Variants in PCDHGA2 observed in about 807,000 individuals in gnomAD.
The protein encoded by PCDHGA2 is protocadherin gamma subfamily A, 2, also known as protocadherin gamma-A2.
A neutral mutation model predicts 59.2 loss-of-function variants in PCDHGA2; 40 were observed. The observed-to-expected ratio is 0.68, with a 90% CI of 0.52 to 0.88. The LOEUF (loss-of-function observed/expected upper bound fraction) is 0.88, where lower values mean the gene tolerates loss of function less well. Among genes scored for constraint, PCDHGA2 ranks in the 40% least tolerant of loss-of-function variants. The pLI, the probability that PCDHGA2 is intolerant of heterozygous loss-of-function variation, is 0.00. For missense variants in PCDHGA2, 1,226 were observed against 1,204.0 expected (o/e 1.02, Z -0.27); for synonymous variants, 560 against 526.0 (o/e 1.06, Z -0.89).
At chr5:141,475,491 C>T (rs1321482409) in intron 1 of PCDHGA2, among the ~76,000 whole-genome samples, 2 of 152,202 alleles carry the variant, frequency 1.3e-5, no homozygotes, top group African/African-American at 4.8e-5. Flanking sequence ...AGAGATAAAA[C>T]TGAAATTATT....
chr5:141,357,488 C>G (rs1230103133), intron 1 of PCDHGA2: 2 of 1,614,218 alleles, frequency 1.2e-6, no homozygotes, highest in Admixed American at 1.7e-5. Context: ...ACCGCGGACT[C>G]GCGGAAGAGT....
intron 1 of PCDHGA2, chr5:141,366,201 G>A (rs567413702): frequency 2.4e-5 from 39 of 1,613,736 alleles, no homozygotes; most frequent in Non-Finnish European, 3.2e-5. Flanking sequence ...CTGCACACGG[G>A]CGAGGTGCGC....
chr5:141,351,191 T>C, intron 1 of PCDHGA2: 1 of 1,614,014 alleles, frequency 6.2e-7, no homozygotes, highest in Non-Finnish European at 8.5e-7. Context: ...GACAAGTAGA[T>C]ATGTGTTGAG....
chr5:141,386,620 C>T (rs73279071), intron 1 of PCDHGA2, among the ~76,000 whole-genome samples: 2 of 151,558 alleles, frequency 1.3e-5, no homozygotes, highest in Non-Finnish European at 2.9e-5. Context: ...CATGGAGTCT[C>T]GCTCTGTCAC....
rs3763123 is a variant in PCDHGA2 at position 141,385,542 on chromosome 5, A to C, written c.2424+44147A>C. On this transcript the variant is annotated intron_variant, in intron 1 of 3. Coordinates refer to ENST00000394576, the MANE Select transcript of PCDHGA2 (RefSeq NM_018915.4). Reference sequence around the variant, plus strand: ...TATGGACAAGATTATGAATATGTGGACTATCACATTTTATAATTTCCACCT... The same window carrying C: ...TATGGACAAGATTATGAATATGTGGCCTATCACATTTTATAATTTCCACCT... 2.0e-3 allele frequency: 2,591 copies of C among 1,327,546 alleles called. 44 individuals carry two copies. The African/African-American group carries it at 0.033, about 17-fold the overall frequency. The allele number at this position is 1,327,546 out of a possible 1,614,324, so 82.2% of individuals were successfully genotyped here. A position where few individuals can be genotyped will look rare whatever the true frequency, so the allele number is the denominator to read the frequency against.
At chr5:141,368,697 G>A (rs1765805391) in intron 1 of PCDHGA2, among the ~76,000 whole-genome samples, 1 of 152,072 alleles carries the variant, frequency 6.6e-6, no homozygotes, top group Admixed American at 6.5e-5. Flanking sequence ...ACTATAAAAT[G>A]CTTGATCCAT....
At chr5:141,462,540 T>G (rs2099042148) in intron 1 of PCDHGA2, among the ~76,000 whole-genome samples, 2 of 152,204 alleles carry the variant, frequency 1.3e-5, no homozygotes, top group Non-Finnish European at 2.9e-5. Flanking sequence ...TCAGTGATCT[T>G]TTCTTCTTCA....
rs1317111249 is a variant in PCDHGA2, at chr5:141,413,333, C to A, written c.2424+71938C>A. 3.1e-6 allele frequency: 5 copies of A among 1,613,966 alleles called. No individual in the cohort carries two copies. The Admixed American group carries it at 6.7e-5, about 22-fold the overall frequency. On this transcript the variant is annotated intron_variant, in intron 1 of 3. Coordinates refer to ENST00000394576, the MANE Select transcript of PCDHGA2 (RefSeq NM_018915.4). ...AAAGGCTCTTTCGTGGGCAACATCTCCAAGGACTTGGGTCTGGCGCCCCGG... is the reference window on the plus strand; with the variant it reads ...AAAGGCTCTTTCGTGGGCAACATCTACAAGGACTTGGGTCTGGCGCCCCGG...
rs746379195 is a variant in PCDHGA2, at chr5:141,339,784, G to A, written c.813G>A (p.Glu271=). The change falls in exon 1 of 4, where the codon GAG becomes GAA. Residue 271 remains glutamate, a synonymous_variant. Coordinates refer to ENST00000394576, the MANE Select transcript of PCDHGA2 (RefSeq NM_018915.4). ...ILTVTATDAD[E]GYYAQVVYFL... is the part of the protein sequence containing the mutation. ...CGGTGACCGCCACTGACGCAGATGA[G>A]GGCTACTACGCTCAAGTGGTATATT... 5.6e-6 allele frequency: 9 copies of A among 1,614,202 alleles called. No individual in the cohort carries two copies. Among genetic ancestry groups the A allele is most frequent in the Non-Finnish European group, 7.6e-6 (9 of 1,180,030 alleles).
At position 141,432,135 on chromosome 5, in the gene PCDHGA2, C is replaced by T; in HGVS notation, c.2425-62672C>T. On this transcript the variant is annotated intron_variant, in intron 1 of 3. Transcript: ENST00000394576. This position sits in a 1 kb window ranked among gnomAD's most constrained non-coding sequence, Gnocchi z 6.0. ...GTCTTCCCTCAGGCCTCCTATTCCGCTTATATCCCAGAGAACAATCCCAGA... is the reference window on the plus strand; with the variant it reads ...GTCTTCCCTCAGGCCTCCTATTCCGTTTATATCCCAGAGAACAATCCCAGA... The T allele has an allele frequency of 6.2e-7, 1 of 1,614,140 alleles. No homozygotes were observed. Among genetic ancestry groups the T allele is most frequent in the Non-Finnish European group, 8.5e-7 (1 of 1,180,026 alleles).
At chr5:141,401,861 G>T (rs934405271) in intron 1 of PCDHGA2, among the ~76,000 whole-genome samples, 1 of 152,122 alleles carries the variant, frequency 6.6e-6, no homozygotes, top group African/African-American at 2.4e-5. Flanking sequence ...TAACCTTTCA[G>T]TAGTTTTCTT....
rs370582023 is a variant in PCDHGA2 at position 141,372,189 on chromosome 5, G to A, written c.2424+30794G>A. ...GGTGGTGGCGGTGGACGCAGACTCG[G>A]GATACAACGCCTGGCTGTCCTACCA... On this transcript the variant is annotated intron_variant, in intron 1 of 3. Transcript: ENST00000394576. 3.7e-6 allele frequency: 6 copies of A among 1,613,500 alleles called. No homozygotes were observed. The African/African-American group carries it at 4.0e-5, about 11-fold the overall frequency.
chr5:141,418,891 C>G (rs774546487), intron 1 of PCDHGA2: 4 of 1,613,842 alleles, frequency 2.5e-6, no homozygotes, highest in East Asian at 2.2e-5. Context: ...ACGACAACAG[C>G]CCAGAAATAA....
At chr5:141,392,676 C>T in intron 1 of PCDHGA2, 1 of 917,280 alleles carries the variant, frequency 1.1e-6, no homozygotes, top group East Asian at 2.7e-5. Context: ...AACTGCTGGA[C>T]TGCAGCGAAA....
chr5:141,383,546 A>G (rs747474981), intron 1 of PCDHGA2: 1 of 1,612,542 alleles, frequency 6.2e-7, no homozygotes, highest in Non-Finnish European at 8.5e-7. Flanking sequence ...ACAGCCTCTG[A>G]TGGCGGCGAC....
At chr5:141,350,738 G>A (rs948532839) in intron 1 of PCDHGA2, 1 of 1,613,930 alleles carries the variant, frequency 6.2e-7, no homozygotes, top group Non-Finnish European at 8.5e-7. Flanking sequence ...TGCAGATGTG[G>A]AAGGCAATTC....
chr5:141,374,295 G>A (rs758241355), intron 1 of PCDHGA2: 3 of 1,613,962 alleles, frequency 1.9e-6, no homozygotes, highest in East Asian at 2.2e-5. Context: ...TCCAGAGGTA[G>A]GATGCAGCTT....
intron 1 of PCDHGA2, among the ~76,000 whole-genome samples, chr5:141,445,356 A>C (rs1333905692): frequency 6.6e-6 from 1 of 152,202 alleles, no homozygotes; most frequent in Non-Finnish European, 1.5e-5. Flanking sequence ...TGTCTGCCCA[A>C]GTCTGGTCCT....
intron 1 of PCDHGA2, chr5:141,413,247 CGGGATTCCAT>C: frequency 6.2e-7 from 1 of 1,613,940 alleles, no homozygotes; most frequent in South Asian, 1.1e-5. Flanking sequence ...GCCTTTTCTT[CGGGATTCCAT>C]GGGAGGCTGG....
Sources: gnomAD v4.1 joint callset for allele counts (sites outside exome capture counted in the v4.1 genomes callset) on GRCh38, gnomAD v4.1.1 for gene constraint, Gnocchi (gnomAD v3.1) non-coding constraint, MANE v1.5 for transcripts, NCBI Gene and HGNC (gene_info 2026-07-23, HGNC 2026-07-21) for gene names.